MPV17: variants seen among roughly 807,000 people sequenced by gnomAD.
MPV17 encodes mitochondrial inner membrane protein MPV17.
Under a neutral mutation model 28.6 loss-of-function variants are expected in MPV17, and 31 were observed. The observed-to-expected ratio is 1.08, with a 90% CI of 0.81 to 1.46. The LOEUF is 1.46. MPV17 is among the 40% of genes most tolerant of loss of function. MPV17 has a pLI of 0.00. For missense variants in MPV17, 198 were observed against 216.2 expected, an observed-to-expected ratio of 0.92 and a Z score of 0.53; for synonymous variants, 87 against 85.3, an observed-to-expected ratio of 1.02 and a Z score of -0.11.
intron 2 of MPV17, among the ~76,000 whole-genome samples, chr2:27,320,699 T>C (rs1679826655): frequency 6.6e-6 from 1 of 152,200 alleles, no homozygotes; most frequent in Admixed American, 6.5e-5. Flanking sequence ...TCCTGATTAA[T>C]GCACCTACTA....
intron 7 of MPV17, chr2:27,311,027 G>A (rs1446020423): frequency 1.4e-5 from 2 of 143,206 alleles, no homozygotes; most frequent in Non-Finnish European, 1.5e-5. Context: ...ACAGGCGTGA[G>A]CCACTGTGTC....
intron 2 of MPV17, among the ~76,000 whole-genome samples, chr2:27,318,822 T>C (rs1024543244): frequency 6.6e-6 from 1 of 152,100 alleles, no homozygotes; most frequent in African/African-American, 2.4e-5. Context: ...TGGAGTGCTG[T>C]AGCGCAATCT....
chr2:27,311,842 C>T, intron 7 of MPV17, 57 bp downstream of exon 7: 1 of 1,602,280 alleles, frequency 6.2e-7, no homozygotes, highest in Non-Finnish European at 8.5e-7. Flanking sequence ...ATCATTTTGT[C>T]TCCAACTGTT....
At chr2:27,322,140 G>A (rs1042682885) in intron 2 of MPV17, 158 of 465,474 alleles carry the variant, frequency 3.4e-4, no homozygotes, top group Admixed American at 2.7e-3. Context: ...CTTTGCATAC[G>A]GTAAAATGTT....
chr2:27,313,305 A>T lies in MPV17; in HGVS notation c.71-196T>A, dbSNP rs1679531782. 5 of 1,291,370 alleles carry T rather than the reference A, an allele frequency of 3.9e-6. No individual in the cohort carries two copies. In the East Asian group the frequency reaches 1.3e-4, roughly 33 times the overall value. 80.0% of individuals were successfully genotyped at this position (1,291,370 alleles called of 1,614,324 possible). ...CCAATGATGGTGACACCTCATGTGTATTCTGTCAGAAACTGGGATGAGCAG... is the reference window on the plus strand; with the variant it reads ...CCAATGATGGTGACACCTCATGTGTTTTCTGTCAGAAACTGGGATGAGCAG... On this transcript the variant is annotated intron_variant, in intron 2 of 7. Transcript: ENST00000380044.
In MPV17 at chr2:27,309,973, A is replaced by C; in HGVS notation, c.470T>G (p.Val157Gly). 1 of 1,613,798 alleles carries C rather than the reference A, an allele frequency of 6.2e-7. No individual in the cohort carries two copies. Among genetic ancestry groups the C allele is most frequent in the Non-Finnish European group, 8.5e-7 (1 of 1,179,672 alleles). ...YLVPLHYRLA[V>G]VQCVAVIWNS... ...CCAGATAACAGCAACACATTGGACAACGGCCAACCTAAGGAACAGGAATAA... is the reference window on the plus strand; with the variant it reads ...CCAGATAACAGCAACACATTGGACACCGGCCAACCTAAGGAACAGGAATAA... The change falls in exon 8 of 8, where the codon GTT becomes GGT. Residue 157 changes from valine to glycine, a missense_variant. Coordinates refer to ENST00000380044, the MANE Select transcript of MPV17 (RefSeq NM_002437.5).
At chr2:27,312,865 G>T (rs949271203) in intron 3 of MPV17, 93 bp from the exon 4 acceptor site, 1 of 1,533,016 alleles carries the variant, frequency 6.5e-7, no homozygotes, top group East Asian at 2.2e-5. Flanking sequence ...CAGAATAGGG[G>T]AAGTGGACAC....
chr2:27,312,983 G>A lies in MPV17; in HGVS notation c.186+11C>T. 6.2e-7 allele frequency: 1 copy of A among 1,613,976 alleles called. No homozygotes were observed. Among genetic ancestry groups the A allele is most frequent in the Non-Finnish European group, 8.5e-7 (1 of 1,179,830 alleles). On this transcript the variant is annotated intron_variant, in intron 3 of 7. Transcript: ENST00000380044. ...TGAGTCCACTGAAGCCCTGTTGAGG[G>A]GAGAACTTACCACAAAGCCACAGCC...
rs747243360 is a variant in MPV17 at position 27,317,174 on chromosome 2, C to T, written c.71-4065G>A. 21 of 1,550,194 alleles carry T rather than the reference C, an allele frequency of 1.4e-5. No individual in the cohort carries two copies. In the East Asian group the frequency reaches 2.0e-4, roughly 14 times the overall value. ...AAGCGTGTCCTTCAGTCCAGGAGGC[C>T]TGGGTCGGCAGGTATAGCTACTGGC... On this transcript the variant is annotated intron_variant, in intron 2 of 7. Coordinates refer to ENST00000380044, the MANE Select transcript of MPV17 (RefSeq NM_002437.5). This position sits in a 1 kb window ranked among gnomAD's most constrained non-coding sequence, Gnocchi z 4.0.
At chr2:27,320,852 C>T (rs923695547) in intron 2 of MPV17, among the ~76,000 whole-genome samples, 2 of 152,184 alleles carry the variant, frequency 1.3e-5, no homozygotes, top group African/African-American at 4.8e-5. Flanking sequence ...AAAGCCACTT[C>T]CACCTTTTAT....
At chr2:27,312,285 T>C (rs1357755362) in intron 5 of MPV17, 39 bp from the exon 6 acceptor site, 1 of 1,605,706 alleles carries the variant, frequency 6.2e-7, no homozygotes, top group Non-Finnish European at 8.5e-7. Flanking sequence ...CACTTGCGCC[T>C]CCAAGCAGCT....
chr2:27,315,526 A>C (rs544288454), intron 2 of MPV17, among the ~76,000 whole-genome samples: 1 of 152,352 alleles, frequency 6.6e-6, no homozygotes, highest in South Asian at 2.1e-4. Context: ...AAGATCTGGG[A>C]GGTAGGTGGT....
chr2:27,310,763 G>T (rs1283118123), intron 7 of MPV17, among the ~76,000 whole-genome samples: 2 of 151,582 alleles, frequency 1.3e-5, no homozygotes, highest in African/African-American at 2.4e-5. Context: ...GGTTTTTTTT[G>T]AGACGGAGTC....
intron 5 of MPV17, 80 bp downstream of exon 5, chr2:27,312,414 T>G (rs1285283321): frequency 1.3e-6 from 2 of 1,520,658 alleles, no homozygotes; most frequent in Admixed American, 3.3e-5. Context: ...ACCCCCTTTT[T>G]TATCCCTGTA....
At position 27,309,918 on chromosome 2, in the gene MPV17, C is replaced by T; in HGVS notation, c.525G>A (p.Arg175=). The T allele has an allele frequency of 1.2e-6, 2 of 1,613,582 alleles. No homozygotes were observed. Among genetic ancestry groups the T allele is most frequent in the Non-Finnish European group, 1.7e-6 (2 of 1,179,552 alleles). Residue 175 remains arginine (R), a synonymous_variant, in exon 8 of 8, where the codon CGG becomes CGA. Coordinates refer to ENST00000380044, the MANE Select transcript of MPV17 (RefSeq NM_002437.5). The part of the protein sequence containing the change: ...WNSYLSWKAH[R]L Reference sequence around the variant, plus strand: ...ACGATGGAGTGAGGCAGGCTTAGAGCCGATGTGCCTTCCAGGACAGGTAGG... The same window carrying T: ...ACGATGGAGTGAGGCAGGCTTAGAGTCGATGTGCCTTCCAGGACAGGTAGG...
intron 2 of MPV17, chr2:27,315,982 G>A: frequency 8.6e-6 from 13 of 1,511,660 alleles, no homozygotes; most frequent in Non-Finnish European, 1.1e-5. Flanking sequence ...TCCTGGCATG[G>A]GCTGAGATGG....
At chr2:27,310,216 C>T (rs1003517916) in intron 7 of MPV17, among the ~76,000 whole-genome samples, 11 of 152,166 alleles carry the variant, frequency 7.2e-5, no homozygotes, top group African/African-American at 2.7e-4. Flanking sequence ...GTGCCTCAGC[C>T]TCCCAAGTAG....
rs1011770190 is a variant in MPV17, at chr2:27,311,664, A to G, written c.461+235T>C. The G allele has an allele frequency of 1.1e-5, 17 of 1,550,664 alleles. No homozygotes were observed. In the African/African-American group the frequency reaches 1.9e-4, roughly 17 times the overall value. ...GGTGGGATGGAGACAAGGGTGGTAG[A>G]AGCAGGATCCTCCCTAGGGAGATGA... is the stretch of plus-strand genomic sequence containing the variant. On this transcript the variant is annotated intron_variant, in intron 7 of 7. Transcript: ENST00000380044.
intron 2 of MPV17, among the ~76,000 whole-genome samples, chr2:27,321,576 C>T (rs972492941): frequency 6.6e-6 from 1 of 152,220 alleles, no homozygotes; most frequent in Non-Finnish European, 1.5e-5. Context: ...TCACTCTTTG[C>T]ACCCCAATGT....
Sources: allele counts gnomAD v4.1 joint callset (sites outside exome capture counted in the v4.1 genomes callset), GRCh38; gene constraint gnomAD v4.1.1; non-coding constraint Gnocchi (gnomAD v3.1); transcripts MANE v1.5; gene names NCBI Gene and HGNC (gene_info 2026-07-23, HGNC 2026-07-21).